Variants in TLR4 observed in about 807,000 individuals in gnomAD.
The protein encoded by TLR4 is toll-like receptor 4.
A neutral mutation model predicts 27.4 loss-of-function variants in TLR4; 17 were observed. The observed-to-expected ratio is 0.62, with a 90% CI of 0.42 to 0.93. TLR4 has a LOEUF of 0.93. TLR4 is among the 40% of genes least tolerant of loss of function. TLR4 has a pLI of 0.00. For synonymous variants in TLR4, 363 were observed against 365.7 expected, an observed-to-expected ratio of 0.99 and a Z score of 0.08; for missense variants, 926 against 962.3, an observed-to-expected ratio of 0.96 and a Z score of 0.50.
intron 1 of TLR4, among the ~76,000 whole-genome samples, chr9:117,705,088 A>G (rs949410879): frequency 8.5e-5 from 13 of 152,258 alleles, no homozygotes; most frequent in South Asian, 2.1e-4. Flanking sequence ...AGTTTAGTCC[A>G]GAGGATGAAA....
rs770810237 is a variant in TLR4 at position 117,704,489 on chromosome 9, G to A, written c.17G>A (p.Arg6His). 12 of 1,613,292 alleles carry A rather than the reference G, an allele frequency of 7.4e-6. No individual in the cohort carries two copies. Among genetic ancestry groups the A allele is most frequent in the South Asian group, 6.6e-5 (6 of 91,070 alleles). Residue 6 changes from arginine to histidine, a missense_variant, in exon 1 of 3, where the codon CGC becomes CAC. Coordinates refer to ENST00000355622, the MANE Select transcript of TLR4 (RefSeq NM_138554.5). MMSAS[R>H]LAGTLIPAMA... ...GATGCCAGGATGATGTCTGCCTCGC[G>A]CCTGGCTGGGACTCTGATCCCAGCC...
At chr9:117,704,600 C>T (rs954605489) in intron 1 of TLR4, 35 bp downstream of exon 1, 7 of 1,581,082 alleles carry the variant, frequency 4.4e-6, no homozygotes, top group Non-Finnish European at 5.2e-6. Flanking sequence ...TGAACTTTCC[C>T]TCACTTCTGC....
intron 1 of TLR4, among the ~76,000 whole-genome samples, chr9:117,706,508 G>A (rs924873026): frequency 2.0e-5 from 3 of 152,146 alleles, no homozygotes; most frequent in African/African-American, 7.2e-5. Context: ...AGTGATAAAT[G>A]ATTGAAATAA....
At chr9:117,709,036 C>A in intron 2 of TLR4, 1 of 356,292 alleles carries the variant, frequency 2.8e-6, no homozygotes, top group East Asian at 6.9e-5. Context: ...TTATTGACTA[C>A]TTGCTATATG....
chr9:117,708,956 C>A, intron 2 of TLR4: 3 of 513,538 alleles, frequency 5.8e-6, no homozygotes, highest in South Asian at 4.6e-5. Flanking sequence ...CTTCTAAGGG[C>A]AATTCTAATT....
Position 117,717,652 on chromosome 9 carries a change from G to T in TLR4, c.*3004G>T, listed in dbSNP as rs557286802. 3 of 152,200 alleles carry T rather than the reference G, an allele frequency of 2.0e-5. No homozygotes were observed. The highest frequency in any genetic ancestry group is 4.1e-4 in the South Asian group (2 of 4,824). 9.4% of individuals were successfully genotyped at this position (152,200 alleles called of 1,614,324 possible). A position where few individuals can be genotyped will look rare whatever the true frequency, so the allele number is the denominator to read the frequency against. On this transcript the variant is annotated 3_prime_UTR_variant, in exon 3 of 3. Coordinates refer to ENST00000355622, the MANE Select transcript of TLR4 (RefSeq NM_138554.5). ...TATGCTTGAAAATGTATGATTTTGT[G>T]TATATCCGTGCTACATGTAAGTGTG...
chr9:117,722,151 C>A lies in TLR4; in HGVS notation c.*7503C>A, dbSNP rs1324245182. The A allele has an allele frequency of 6.6e-6, 1 of 152,074 alleles. No homozygotes were observed. The highest frequency in any genetic ancestry group is 1.5e-5 in the Non-Finnish European group (1 of 68,000). 9.4% of individuals were successfully genotyped at this position (152,074 alleles called of 1,614,324 possible). On this transcript the variant is annotated 3_prime_UTR_variant, in exon 3 of 3. Transcript: ENST00000355622. ...TCAATGTGATGTTGTTTTTTGTTTCCAGTCCAAAATATATCAAAGTAAAAT... is the reference window on the plus strand; with the variant it reads ...TCAATGTGATGTTGTTTTTTGTTTCAAGTCCAAAATATATCAAAGTAAAAT...
intron 1 of TLR4, among the ~76,000 whole-genome samples, chr9:117,706,141 C>G (rs947543431): frequency 3.9e-5 from 6 of 152,170 alleles, no homozygotes; most frequent in African/African-American, 1.4e-4. Flanking sequence ...TCAATTTACA[C>G]TATTCACATT....
In TLR4 at chr9:117,713,960, C is replaced by A; in HGVS notation, c.1832C>A (p.Thr611Lys). 1 of 1,614,024 alleles carries A rather than the reference C, an allele frequency of 6.2e-7. No individual in the cohort carries two copies. Among genetic ancestry groups the A allele is most frequent in the Non-Finnish European group, 8.5e-7 (1 of 1,179,996 alleles). Residue 611 changes from threonine to lysine, a missense_variant, in exon 3 of 3, where the codon ACA (threonine) becomes AAA (lysine). Thr to Lys is a moderately conservative substitution (Grantham distance 78, BLOSUM62 -1). Coordinates refer to ENST00000355622, the MANE Select transcript of TLR4 (RefSeq NM_138554.5). ...GAAGTTGAACGAATGGAATGTGCAA[C>A]ACCTTCAGATAAGCAGGGCATGCCT... ...LVEVERMECA[T>K]PSDKQGMPVL...
intron 1 of TLR4, among the ~76,000 whole-genome samples, chr9:117,705,677 A>G (rs117076293): frequency 0.019 from 2,850 of 152,240 alleles, 41 homozygotes; most frequent in Non-Finnish European, 0.032. Context: ...ATTGACTCTT[A>G]CACACTAACT....
Position 117,714,958 on chromosome 9 carries a change from A to G in TLR4, c.*310A>G. Reference sequence around the variant, plus strand: ...AAAGACAGAGAAAACAGAAAGAGACATTGTTCTTTTCCTGAGTCTTTTGAA... The same window carrying G: ...AAAGACAGAGAAAACAGAAAGAGACGTTGTTCTTTTCCTGAGTCTTTTGAA... On this transcript the variant is annotated 3_prime_UTR_variant, in exon 3 of 3. Transcript: ENST00000355622. 1 of 400,406 alleles carries G rather than the reference A, an allele frequency of 2.5e-6. No individual in the cohort carries two copies. Among genetic ancestry groups the G allele is most frequent in the Non-Finnish European group, 4.6e-6 (1 of 216,138 alleles). The allele number at this position is 400,406 out of a possible 1,614,324, so 24.8% of individuals were successfully genotyped here.
At chr9:117,709,859 G>A (rs746530815) in intron 2 of TLR4, among the ~76,000 whole-genome samples, 3 of 151,986 alleles carry the variant, frequency 2.0e-5, no homozygotes, top group Non-Finnish European at 2.9e-5. Context: ...GAAGACCTGA[G>A]CCAAGTTTAC....
Position 117,713,344 on chromosome 9 carries a change from C to T in TLR4, c.1216C>T (p.Leu406=). 6.2e-7 allele frequency: 1 copy of T among 1,614,054 alleles called. No individual in the cohort carries two copies. Among genetic ancestry groups the T allele is most frequent in the East Asian group, 2.2e-5 (1 of 44,854 alleles). The part of the protein sequence containing the change: ...FGTTSLKYLD[L]SFNGVITMSS... Reference sequence around the variant, plus strand: ...GACAACCAGCCTAAAGTATTTAGATCTGAGCTTCAATGGTGTTATTACCAT... The same window carrying T: ...GACAACCAGCCTAAAGTATTTAGATTTGAGCTTCAATGGTGTTATTACCAT... Residue 406 remains leucine (L), a synonymous_variant, in exon 3 of 3, where the codon CTG becomes TTG. Transcript: ENST00000355622.
chr9:117,713,611 C>T lies in TLR4; in HGVS notation c.1483C>T (p.Leu495=). The T allele has an allele frequency of 6.2e-7, 1 of 1,614,106 alleles. No homozygotes were observed. Among genetic ancestry groups the T allele is most frequent in the Non-Finnish European group, 8.5e-7 (1 of 1,180,024 alleles). The change falls in exon 3 of 3, where the codon CTG becomes TTG. Residue 495 remains leucine (L), a synonymous_variant. Coordinates refer to ENST00000355622, the MANE Select transcript of TLR4 (RefSeq NM_138554.5). ...ENFLPDIFTE[L]RNLTFLDLSQ... ...CTTCCTTCCAGATATCTTCACAGAG[C>T]TGAGAAACTTGACCTTCCTGGACCT... is the stretch of plus-strand genomic sequence containing the variant.
chr9:117,714,711 T>A lies in TLR4; in HGVS notation c.*63T>A. On this transcript the variant is annotated 3_prime_UTR_variant, in exon 3 of 3. Transcript: ENST00000355622. Reference sequence around the variant, plus strand: ...CAGCTGGGTCCAACACTTGTTCAGTTAATAAGTATTAAATGCTGCCACATG... The same window carrying A: ...CAGCTGGGTCCAACACTTGTTCAGTAAATAAGTATTAAATGCTGCCACATG... 1 of 1,392,436 alleles carries A rather than the reference T, an allele frequency of 7.2e-7. No individual in the cohort carries two copies. Among genetic ancestry groups the A allele is most frequent in the Non-Finnish European group, 1.0e-6 (1 of 988,428 alleles). 86.3% of individuals were successfully genotyped at this position (1,392,436 alleles called of 1,614,324 possible).
In TLR4 at chr9:117,714,411, C is replaced by T. The variant is rs1829304341; in HGVS notation, c.2283C>T (p.Ser761=). The T allele has an allele frequency of 6.2e-7, 1 of 1,612,108 alleles. No homozygotes were observed. The highest frequency in any genetic ancestry group is 1.3e-5 in the African/African-American group (1 of 75,016). ...YEIAQTWQFL[S]SRAGIIFIVL... is the part of the protein sequence containing the mutation. ...TTGCTCAGACCTGGCAGTTTCTGAG[C>T]AGTCGTGCTGGTATCATCTTCATTG... The change falls in exon 3 of 3, where the codon AGC becomes AGT. Residue 761 remains serine, a synonymous_variant. Transcript: ENST00000355622.
rs762970720 is a variant in TLR4 at position 117,714,334 on chromosome 9, G to T, written c.2206G>T (p.Val736Leu). 1.3e-6 allele frequency: 2 copies of T among 1,599,218 alleles called. No individual in the cohort carries two copies. Reference sequence around the variant, plus strand: ...CCATAAAAGCCGAAAGGTGATTGTTGTGGTGTCCCAGCACTTCATCCAGAG... The same window carrying T: ...CCATAAAAGCCGAAAGGTGATTGTTTTGGTGTCCCAGCACTTCATCCAGAG... ...GFHKSRKVIVVVSQHFIQSRW... is the reference protein window; with the variant it reads ...GFHKSRKVIVLVSQHFIQSRW... Residue 736 changes from valine (V) to leucine (L), a missense_variant, in exon 3 of 3, where the codon GTG becomes TTG. By Grantham distance (32) the Val-to-Leu change is conservative. Coordinates refer to ENST00000355622, the MANE Select transcript of TLR4 (RefSeq NM_138554.5).
chr9:117,719,112 T>C lies in TLR4; in HGVS notation c.*4464T>C, dbSNP rs1260485509. 3 of 152,180 alleles carry C rather than the reference T, an allele frequency of 2.0e-5. No homozygotes were observed. Among genetic ancestry groups the C allele is most frequent in the South Asian group, 4.1e-4 (2 of 4,834 alleles). 9.4% of individuals were successfully genotyped at this position (152,180 alleles called of 1,614,324 possible). On this transcript the variant is annotated 3_prime_UTR_variant, in exon 3 of 3. Coordinates refer to ENST00000355622, the MANE Select transcript of TLR4 (RefSeq NM_138554.5). ...TCATTCAAGTGCTTTGAGGCTCAGG[T>C]CTTAATTCATGAAATGGAGGTAATA...
rs141771803 is a variant in TLR4 at position 117,708,830 on chromosome 9, T to C, written c.260+101T>C. ...CTTGGTTTGTGGAGTCTCATCTTCA[T>C]TCACTTATTCATTCATACAACAGAT... On this transcript the variant is annotated intron_variant, in intron 2 of 2. Transcript: ENST00000355622. 1.6e-5 allele frequency: 22 copies of C among 1,412,782 alleles called. No homozygotes were observed. In the East Asian group the frequency reaches 5.0e-4, roughly 32 times the overall value. The allele number at this position is 1,412,782 out of a possible 1,614,324, so 87.5% of individuals were successfully genotyped here.
Sources: allele counts gnomAD v4.1 joint callset (sites outside exome capture counted in the v4.1 genomes callset), GRCh38; gene constraint gnomAD v4.1.1; transcripts MANE v1.5; gene names NCBI Gene and HGNC (gene_info 2026-07-23, HGNC 2026-07-21).